The following TMEM266 variants were observed in gnomAD, a reference collection of about 807,000 sequenced individuals.
TMEM266 encodes the protein Hv1 related protein 1.
TMEM266 carries 33 observed loss-of-function variants against 50.5 expected under a neutral mutation model. That is an observed-to-expected ratio of 0.65 (90% CI 0.50 to 0.87). TMEM266 has a LOEUF of 0.87. Among genes scored for constraint, TMEM266 ranks in the 40% least tolerant of loss-of-function variants. TMEM266 has a pLI of 0.00. For synonymous variants in TMEM266, 310 were observed against 292.3 expected (o/e 1.06, Z -0.62); for missense variants, 655 against 695.1 (o/e 0.94, Z 0.65).
At chr15:76,174,884 C>T (rs978616952) in intron 7 of TMEM266, 13 of 152,326 alleles carry the variant, frequency 8.5e-5, no homozygotes, top group African/African-American at 3.1e-4. Flanking sequence ...TAGTACTCCA[C>T]TGCATGGCTA....
intron 1 of TMEM266, among the ~76,000 whole-genome samples, chr15:76,111,211 G>A (rs1051012406): frequency 8.6e-5 from 13 of 151,960 alleles, no homozygotes; most frequent in African/African-American, 3.1e-4. Flanking sequence ...CTCCTGAGTA[G>A]CTGGGATTAC....
chr15:76,071,541 G>T (rs140134044), intron 1 of TMEM266, among the ~76,000 whole-genome samples: 2,285 of 152,230 alleles, frequency 0.015, 21 homozygotes, highest in Middle Eastern at 0.041. Flanking sequence ...TCCATTTGGT[G>T]CCCCTAACTC....
At chr15:76,070,490 A>G (rs557932021) in intron 1 of TMEM266, among the ~76,000 whole-genome samples, 2 of 152,360 alleles carry the variant, frequency 1.3e-5, no homozygotes, top group South Asian at 4.1e-4. Flanking sequence ...TGAGCCAAGC[A>G]TGTTTATGAC....
Position 76,161,991 on chromosome 15 carries a change from C to T in TMEM266, c.456+1823C>T, listed in dbSNP as rs1223336216. 6.6e-6 allele frequency among the ~76,000 whole-genome samples: 1 copy of T among 152,222 alleles called. No individual in the cohort carries two copies. Among genetic ancestry groups the T allele is most frequent in the Non-Finnish European group, 1.5e-5 (1 of 68,040 alleles). On this transcript the variant is annotated intron_variant, in intron 5 of 10. Transcript: ENST00000388942. This position sits in a 1 kb window ranked among gnomAD's most constrained non-coding sequence, Gnocchi z 4.1. ...ATTGGCTTTTGCAGAATTTATTGCC[C>T]AGCGTTAATTTGGCATTCCCTTCCT...
At chr15:76,096,652 G>A (rs765600528) in intron 1 of TMEM266, among the ~76,000 whole-genome samples, 11 of 151,974 alleles carry the variant, frequency 7.2e-5, no homozygotes, top group Admixed American at 1.3e-4. Context: ...TTCAAGTCCC[G>A]AATATTCTGG....
intron 3 of TMEM266, among the ~76,000 whole-genome samples, chr15:76,151,473 G>C (rs556445757): frequency 6.6e-6 from 1 of 152,234 alleles, no homozygotes; most frequent in Non-Finnish European, 1.5e-5. Flanking sequence ...CCAGGGCCCT[G>C]TTCTGGAGCC....
rs748868524 is a variant in TMEM266, at chr15:76,204,167, G to C, written c.1448G>C (p.Ser483Thr). The change falls in exon 11 of 11, where the codon AGT becomes ACT. Residue 483 changes from serine (S) to threonine (T), a missense_variant. Around this residue, in one of 3 missense-constraint regions of TMEM266, gnomAD observed 455 missense variants for 401.8 expected, o/e 1.13. Transcript: ENST00000388942. ...AGCCCCGAGCTGGAACACAGGGTAA[G>C]TCTGTTCAACCAGAAGAACCAGGAG... 2 of 1,613,626 alleles carry C rather than the reference G, an allele frequency of 1.2e-6. No individual in the cohort carries two copies. The highest frequency in any genetic ancestry group is 1.7e-6 in the Non-Finnish European group (2 of 1,180,018).
At chr15:76,188,745 C>G (rs1215793669) in intron 8 of TMEM266, among the ~76,000 whole-genome samples, 1 of 152,164 alleles carries the variant, frequency 6.6e-6, no homozygotes, top group Non-Finnish European at 1.5e-5. Flanking sequence ...ATTATGGGAA[C>G]TACAATTCGA....
intron 5 of TMEM266, among the ~76,000 whole-genome samples, chr15:76,164,200 C>G (rs1374876810): frequency 6.6e-6 from 1 of 152,112 alleles, no homozygotes; most frequent in Non-Finnish European, 1.5e-5. Context: ...CGATGTAGCA[C>G]AGCACACTTT....
intron 9 of TMEM266, among the ~76,000 whole-genome samples, chr15:76,194,989 C>G (rs1288876938): frequency 6.6e-6 from 1 of 152,182 alleles, no homozygotes; most frequent in Non-Finnish European, 1.5e-5. Context: ...CCAGCCTTAT[C>G]TCCTTCCACC....
chr15:76,164,858 T>A (rs942797615), intron 5 of TMEM266, among the ~76,000 whole-genome samples: 1 of 152,196 alleles, frequency 6.6e-6, no homozygotes, highest in Non-Finnish European at 1.5e-5. Context: ...GGGCCCCACA[T>A]GGGGATGGCT....
chr15:76,060,517 G>A (rs554213093), intron 1 of TMEM266, among the ~76,000 whole-genome samples: 6 of 152,296 alleles, frequency 3.9e-5, no homozygotes, highest in African/African-American at 1.4e-4. Flanking sequence ...CCCGTTTGTC[G>A]GGAGGTGCCC....
At chr15:76,083,337 G>A (rs1295201743) in intron 1 of TMEM266, among the ~76,000 whole-genome samples, 1 of 150,970 alleles carries the variant, frequency 6.6e-6, no homozygotes, top group Non-Finnish European at 1.5e-5. Flanking sequence ...ATTAATACCA[G>A]TTTTCCTGCT....
chr15:76,064,466 T>G (rs2036373361), intron 1 of TMEM266, among the ~76,000 whole-genome samples: 1 of 152,214 alleles, frequency 6.6e-6, no homozygotes, highest in Non-Finnish European at 1.5e-5. Context: ...GAGGACTGAT[T>G]CATCTGCAGA....
At chr15:76,128,755 A>C (rs1430086167) in intron 1 of TMEM266, among the ~76,000 whole-genome samples, 1 of 152,210 alleles carries the variant, frequency 6.6e-6, no homozygotes, top group Non-Finnish European at 1.5e-5. Flanking sequence ...TGTCCATCTA[A>C]ATATGATTTT....
At chr15:76,158,278 G>T (rs895648959) in intron 4 of TMEM266, among the ~76,000 whole-genome samples, 1 of 152,138 alleles carries the variant, frequency 6.6e-6, no homozygotes, top group Non-Finnish European at 1.5e-5. Flanking sequence ...AGCCTAGTTG[G>T]GTTTTATGCA....
At chr15:76,074,358 G>A (rs1279209570) in intron 1 of TMEM266, among the ~76,000 whole-genome samples, 3 of 151,920 alleles carry the variant, frequency 2.0e-5, no homozygotes, top group South Asian at 4.1e-4. Flanking sequence ...CTGTGCAGTC[G>A]TCACCACCAT....
chr15:76,086,029 T>C (rs367646217), intron 1 of TMEM266, among the ~76,000 whole-genome samples: 2 of 146,714 alleles, frequency 1.4e-5, no homozygotes, highest in African/African-American at 5.1e-5. Context: ...GCCTGGGCGA[T>C]GAGAGCGAAA....
chr15:76,192,142 C>CT lies in TMEM266; in HGVS notation c.944dup (p.Gln316AlafsTer26), dbSNP rs2038585456. 11 of 1,402,954 alleles carry CT rather than the reference C, an allele frequency of 7.8e-6. No homozygotes were observed. The highest frequency in any genetic ancestry group is 8.3e-6 in the Non-Finnish European group (9 of 1,081,442). 86.9% of individuals were successfully genotyped at this position (1,402,954 alleles called of 1,614,324 possible). A position where few individuals can be genotyped will look rare whatever the true frequency, so the allele number is the denominator to read the frequency against. On this transcript the variant is annotated frameshift_variant, in exon 9 of 11. Transcript: ENST00000388942. LOFTEE classifies it high-confidence loss of function. ...GGCGGCCGAGAGCGTCGTGGAGGAG[C>CT]TGCAGCCCTCGCAAGGTAAGCCCGG... is the stretch of plus-strand genomic sequence containing the variant.
Sources: allele counts gnomAD v4.1 joint callset (sites outside exome capture counted in the v4.1 genomes callset), GRCh38; gene constraint gnomAD v4.1.1; regional missense constraint gnomAD v4.1.1; non-coding constraint Gnocchi (gnomAD v3.1); transcripts MANE v1.5; gene names NCBI Gene and HGNC (gene_info 2026-07-23, HGNC 2026-07-21).